Variants in MYBPC2 observed in about 807,000 individuals in gnomAD.
The protein encoded by MYBPC2 is myosin binding protein C2.
MYBPC2 carries 122 observed loss-of-function variants against 137.0 expected under a neutral mutation model. That is an observed-to-expected ratio of 0.89 (90% CI 0.77 to 1.03). The LOEUF (loss-of-function observed/expected upper bound fraction) is 1.03. Among genes scored for constraint, MYBPC2 ranks in the 50% least tolerant of loss-of-function variants. MYBPC2 has a pLI of 0.00. For synonymous variants in MYBPC2, 626 were observed against 612.3 expected, an observed-to-expected ratio of 1.02 and a Z score of -0.33; for missense variants, 1,500 against 1,534.4, an observed-to-expected ratio of 0.98 and a Z score of 0.37.
chr19:50,452,512 CTATCTATCTATCTATCTATCTATCTATG>C (rs2039870739), intron 16 of MYBPC2, among the ~76,000 whole-genome samples: 2 of 68,430 alleles, frequency 2.9e-5, no homozygotes, highest in African/African-American at 1.1e-4. Context: ...ATGTATGTAT[CTATCTATCTATCTATCTATCTATCTATG>C]TATCTATCTA....
Position 50,436,161 on chromosome 19 carries a change from G to T in MYBPC2, c.345+1G>T. 1 of 1,581,258 alleles carries T rather than the reference G, an allele frequency of 6.3e-7. No homozygotes were observed. Among genetic ancestry groups the T allele is most frequent in the Non-Finnish European group, 8.6e-7 (1 of 1,163,730 alleles). ...GGAGTCCCACAACTCCGCCAGCAAT[G>T]TGAGGACCCCGTGGGCCAGAGGGCT... On this transcript the variant is annotated splice_donor_variant, in intron 4 of 27. Transcript: ENST00000357701. LOFTEE classifies it high-confidence loss of function.
intron 19 of MYBPC2, 45 bp from the exon 20 acceptor site, chr19:50,455,465 T>C: frequency 1.3e-6 from 2 of 1,592,840 alleles, no homozygotes; most frequent in South Asian, 1.1e-5. Flanking sequence ...TGCTGACCCC[T>C]GACCCCTCAT....
At chr19:50,451,667 G>A (rs537860563) in intron 15 of MYBPC2, among the ~76,000 whole-genome samples, 197 bp from the exon 16 acceptor site, 2 of 149,642 alleles carry the variant, frequency 1.3e-5, no homozygotes, top group East Asian at 4.0e-4. Flanking sequence ...AGGAGGGGCT[G>A]GGGGCCTAGA....
intron 12 of MYBPC2, among the ~76,000 whole-genome samples, chr19:50,447,616 G>A (rs189233000): frequency 4.5e-4 from 68 of 152,158 alleles, no homozygotes; most frequent in Admixed American, 3.0e-3. Flanking sequence ...CCAGCACTTC[G>A]GGAGGCCAAA....
In MYBPC2 at chr19:50,441,019, C is replaced by A. The variant is rs753803043; in HGVS notation, c.712C>A (p.Leu238Ile). 6.2e-7 allele frequency: 1 copy of A among 1,610,562 alleles called. No homozygotes were observed. The highest frequency in any genetic ancestry group is 8.5e-7 in the Non-Finnish European group (1 of 1,178,330). The change falls in exon 8 of 28, where the codon CTC (leucine) becomes ATC (isoleucine). Residue 238 changes from leucine (L) to isoleucine (I), a missense_variant. By Grantham distance (5) the Leu-to-Ile change is conservative (BLOSUM62 2). Coordinates refer to ENST00000357701, the MANE Select transcript of MYBPC2 (RefSeq NM_004533.4). ...KIAFQYGITD[L>I]RGMLKRLKKA... ...CGCCTTCCAGTATGGCATCACCGAC[C>A]TCCGGGGCATGCTGAAGCGGCTGAA...
At chr19:50,459,997 A>C (rs1196833026) in intron 23 of MYBPC2, 43 bp from the exon 24 acceptor site, 1 of 1,549,434 alleles carries the variant, frequency 6.5e-7, no homozygotes, top group Admixed American at 2.0e-5. Flanking sequence ...GCGGCTGGAC[A>C]TCCCAAAACC....
At position 50,446,061 on chromosome 19, in the gene MYBPC2, C is replaced by A. The variant is rs1395773133; in HGVS notation, c.1306+9C>A. 6.2e-7 allele frequency: 1 copy of A among 1,611,316 alleles called. No individual in the cohort carries two copies. Among genetic ancestry groups the A allele is most frequent in the Non-Finnish European group, 8.5e-7 (1 of 1,178,872 alleles). The stretch of plus-strand genomic sequence containing the variant: ...CGAGCTGATTGTGGAAGGTATGGGG[C>A]CTCCAGGTAGGGCACGGGCTGCACT... On this transcript the variant is annotated intron_variant, in intron 12 of 27. Transcript: ENST00000357701.
intron 12 of MYBPC2, among the ~76,000 whole-genome samples, chr19:50,447,658 G>A (rs1343206450): frequency 6.6e-6 from 1 of 152,058 alleles, no homozygotes; most frequent in South Asian, 2.1e-4. Flanking sequence ...AGGAGTTCAA[G>A]ACCAGCCTGG....
At position 50,462,993 on chromosome 19, in the gene MYBPC2, G is replaced by T. The variant is rs538319485; in HGVS notation, c.3228+957G>T. ...AAACGTTGGGAGCAGGGGCAGCCTA[G>T]ACCAGCACGGCTCCCCAGGGTCTTC... On this transcript the variant is annotated intron_variant, in intron 26 of 27. Coordinates refer to ENST00000357701, the MANE Select transcript of MYBPC2 (RefSeq NM_004533.4). 2.0e-5 allele frequency among the ~76,000 whole-genome samples: 3 copies of T among 152,302 alleles called. No homozygotes were observed. In the South Asian group the frequency reaches 6.2e-4, roughly 32 times the overall value.
rs1401290753 is a variant in MYBPC2, at chr19:50,465,911, T to C, written c.3416-284T>C. On this transcript the variant is annotated intron_variant, in intron 27 of 27. Coordinates refer to ENST00000357701, the MANE Select transcript of MYBPC2 (RefSeq NM_004533.4). The surrounding 1 kb of genome is among the most constrained non-coding windows in gnomAD (Gnocchi z 4.5). ...GCCCACCCAATTTCTGATACTCTGC[T>C]GTCTCCCTGATTAACTATTAAATCA... is the stretch of plus-strand genomic sequence containing the variant. Among the ~76,000 whole-genome samples, 2 of 152,188 alleles carry C rather than the reference T, an allele frequency of 1.3e-5. No individual in the cohort carries two copies. Among genetic ancestry groups the C allele is most frequent in the Admixed American group, 6.5e-5 (1 of 15,278 alleles).
At chr19:50,455,730 G>T (rs2039904405) in intron 20 of MYBPC2, 86 bp downstream of exon 20, 12 of 1,554,478 alleles carry the variant, frequency 7.7e-6, no homozygotes, top group Non-Finnish European at 1.0e-5. Context: ...GACCATGTGG[G>T]ACAGAGATGG....
chr19:50,464,423 C>T lies in MYBPC2; in HGVS notation c.3306C>T (p.Val1102=), dbSNP rs1283343437. 8.1e-6 allele frequency: 13 copies of T among 1,611,744 alleles called. No individual in the cohort carries two copies. Among genetic ancestry groups the T allele is most frequent in the Non-Finnish European group, 1.1e-5 (13 of 1,179,150 alleles). ...PKFLITNYQG[V]LTLNIRRPSP... ...TCCTGATAACCAATTACCAAGGAGT[C>T]CTGACGCTGAACATCCGTCGCCCCT... The change falls in exon 27 of 28, where the codon GTC becomes GTT. Residue 1102 remains valine, a synonymous_variant. Coordinates refer to ENST00000357701, the MANE Select transcript of MYBPC2 (RefSeq NM_004533.4).
rs781301512 is a variant in MYBPC2 at position 50,459,201 on chromosome 19, G to C, written c.2686G>C (p.Val896Leu). Residue 896 changes from valine (V) to leucine (L), a missense_variant, in exon 23 of 28, where the codon GTG becomes CTG. Physicochemically the swap from Val to Leu is conservative, Grantham distance 32 (BLOSUM62 1). Transcript: ENST00000357701. Reference protein sequence around the residue: ...VHVRTSDFDTVFFVRQAARSD... With the variant: ...VHVRTSDFDTLFFVRQAARSD... ...CGTGCGGACCAGCGACTTCGACACCGTGTTCTTCGTGCGCCAGGCGGCCCG... is the reference window on the plus strand; with the variant it reads ...CGTGCGGACCAGCGACTTCGACACCCTGTTCTTCGTGCGCCAGGCGGCCCG... 3 of 1,609,962 alleles carry C rather than the reference G, an allele frequency of 1.9e-6. No homozygotes were observed. Among genetic ancestry groups the C allele is most frequent in the Non-Finnish European group, 2.5e-6 (3 of 1,179,226 alleles).
intron 8 of MYBPC2, among the ~76,000 whole-genome samples, chr19:50,441,627 G>A (rs1343848710): frequency 2.0e-5 from 3 of 152,018 alleles, no homozygotes; most frequent in East Asian, 1.9e-4. Flanking sequence ...ATCACCTGAC[G>A]TCAGGAGTTC....
rs754668409 is a variant in MYBPC2 at position 50,459,042 on chromosome 19, C to T, written c.2595+36C>T. ...CGGGGTCACGGGCCGGGGGTCCGCT[C>T]TCGCCGCAAGCCCCCTTTTTGCGGG... On this transcript the variant is annotated intron_variant, in intron 22 of 27. Coordinates refer to ENST00000357701, the MANE Select transcript of MYBPC2 (RefSeq NM_004533.4). The T allele has an allele frequency of 2.5e-6, 4 of 1,575,998 alleles. No individual in the cohort carries two copies. The South Asian group carries it at 4.6e-5, about 18-fold the overall frequency.
chr19:50,460,305 A>T (rs1601297727), intron 24 of MYBPC2, 126 bp downstream of exon 24: 1 of 1,344,508 alleles, frequency 7.4e-7, no homozygotes, highest in South Asian at 1.5e-5. Flanking sequence ...TGGGGCCAGG[A>T]GGGAAGCCTT....
intron 8 of MYBPC2, among the ~76,000 whole-genome samples, chr19:50,441,371 C>A (rs1275902277): frequency 6.6e-6 from 1 of 152,180 alleles, no homozygotes; most frequent in Non-Finnish European, 1.5e-5. Flanking sequence ...CCAGACCACC[C>A]AAAAGTTACC....
chr19:50,450,794 T>C (rs955095385), intron 13 of MYBPC2, 35 bp from the exon 14 acceptor site: 2 of 1,509,478 alleles, frequency 1.3e-6, no homozygotes, highest in South Asian at 2.4e-5. Flanking sequence ...CATTGCAATC[T>C]GGTTCGAGCC....
At chr19:50,461,774 C>T in intron 25 of MYBPC2, 73 bp downstream of exon 25, 2 of 1,595,252 alleles carry the variant, frequency 1.3e-6, no homozygotes, top group Non-Finnish European at 1.7e-6. Context: ...TGGACTCCTG[C>T]CCTCCCCTCC....
Sources: gnomAD v4.1 joint callset for allele counts (sites outside exome capture counted in the v4.1 genomes callset) on GRCh38, gnomAD v4.1.1 for gene constraint, Gnocchi (gnomAD v3.1) non-coding constraint, MANE v1.5 for transcripts, NCBI Gene and HGNC (gene_info 2026-07-23, HGNC 2026-07-21) for gene names.